KLF12: variants seen among roughly 807,000 people sequenced by gnomAD.
KLF12 encodes the protein Krueppel-like factor 12.
A neutral mutation model predicts 37.8 loss-of-function variants in KLF12; 9 were observed. The ratio of observed to expected loss-of-function variants is 0.24; its 90% confidence interval spans 0.14 to 0.42. The LOEUF (loss-of-function observed/expected upper bound fraction) is 0.42, where lower values mean the gene tolerates loss of function less well. KLF12 is among the 10% of genes least tolerant of loss of function. The pLI is 1.00. For synonymous variants in KLF12, 208 were observed against 202.1 expected (o/e 1.03, Z -0.25); for missense variants, 411 against 516.0 (o/e 0.80, Z 1.97).
intron 7 of KLF12, among the ~76,000 whole-genome samples, chr13:73,701,418 C>T (rs922168697): frequency 6.6e-6 from 1 of 152,174 alleles, no homozygotes; most frequent in Non-Finnish European, 1.5e-5. Flanking sequence ...AGACAGCCTA[C>T]CTACCTTCTT....
At chr13:73,702,040 G>C (rs1470850896) in intron 7 of KLF12, among the ~76,000 whole-genome samples, 1 of 152,048 alleles carries the variant, frequency 6.6e-6, no homozygotes, top group Non-Finnish European at 1.5e-5. Context: ...AAAAAGGGTG[G>C]GGGAGGTGTG....
intron 1 of KLF12, among the ~76,000 whole-genome samples, chr13:74,048,130 G>T (rs1246381785): frequency 6.6e-6 from 1 of 152,072 alleles, no homozygotes; most frequent in African/African-American, 2.4e-5. Context: ...AGGACAATGT[G>T]GAGTAAAAGG....
intron 4 of KLF12, among the ~76,000 whole-genome samples, chr13:73,819,510 T>A (rs530604380): frequency 4.3e-4 from 66 of 152,318 alleles, no homozygotes; most frequent in African/African-American, 1.5e-3. Flanking sequence ...CTTATTTACA[T>A]CATTTATGTA....
chr13:73,930,140 T>TA (rs1424329662), intron 3 of KLF12, among the ~76,000 whole-genome samples: 1 of 152,180 alleles, frequency 6.6e-6, no homozygotes, highest in Non-Finnish European at 1.5e-5. Flanking sequence ...CTCTTAACAA[T>TA]AGCAAGACAT....
chr13:74,088,796 C>CA (rs1383855228), intron 1 of KLF12, among the ~76,000 whole-genome samples: 6 of 152,156 alleles, frequency 3.9e-5, no homozygotes, highest in African/African-American at 1.4e-4. Context: ...ACAGGGCTTT[C>CA]ATGATGACCA....
chr13:74,025,579 A>G (rs1258961071), intron 1 of KLF12, among the ~76,000 whole-genome samples: 3 of 151,884 alleles, frequency 2.0e-5, no homozygotes, highest in African/African-American at 7.3e-5. Context: ...AAAAAAAAAG[A>G]AAATCAGTGA....
chr13:73,818,302 C>T (rs921728075), intron 4 of KLF12, among the ~76,000 whole-genome samples: 19 of 152,358 alleles, frequency 1.2e-4, no homozygotes, highest in African/African-American at 3.4e-4. Flanking sequence ...ACAGCCACTG[C>T]GCCGGCCGAA....
At chr13:74,176,063 A>G in the KLF12 span, among the ~76,000 whole-genome samples, 1 of 152,184 alleles carries the variant, frequency 6.6e-6, no homozygotes, top group Non-Finnish European at 1.5e-5. Flanking sequence ...TCATCTTCAC[A>G]GAGGACTCAT....
intron 1 of KLF12, among the ~76,000 whole-genome samples, chr13:74,129,084 A>G: frequency 6.6e-6 from 1 of 152,212 alleles, no homozygotes; most frequent in East Asian, 1.9e-4. Context: ...TGACTCCAGG[A>G]TCCCATCCCA....
At chr13:73,980,861 AT>A (rs984310121) in intron 2 of KLF12, among the ~76,000 whole-genome samples, 4 of 152,168 alleles carry the variant, frequency 2.6e-5, no homozygotes, top group African/African-American at 9.6e-5. Flanking sequence ...AAACAGTACT[AT>A]TTAGGAACTG....
intron 1 of KLF12, among the ~76,000 whole-genome samples, chr13:74,006,286 T>C (rs566357147): frequency 6.6e-6 from 1 of 152,310 alleles, no homozygotes; most frequent in East Asian, 1.9e-4. Context: ...CTCTAACCAT[T>C]ACCATCAGAT....
chr13:73,742,348 C>G (rs932031135), intron 6 of KLF12, among the ~76,000 whole-genome samples: 4 of 152,002 alleles, frequency 2.6e-5, no homozygotes, highest in African/African-American at 9.7e-5. Context: ...AACCTGAGCT[C>G]AAAATATAGA....
the KLF12 span, among the ~76,000 whole-genome samples, chr13:74,147,018 C>T: frequency 6.6e-6 from 1 of 152,196 alleles, no homozygotes; most frequent in Non-Finnish European, 1.5e-5. Flanking sequence ...GTAGCCCGTG[C>T]ATGTCAGGTT....
intron 2 of KLF12, among the ~76,000 whole-genome samples, chr13:73,986,484 ACCTGC>A (rs1891831625): frequency 6.6e-6 from 1 of 152,230 alleles, no homozygotes; most frequent in Non-Finnish European, 1.5e-5. Context: ...GGTAACATGT[ACCTGC>A]AATCACAGTC....
intron 2 of KLF12, among the ~76,000 whole-genome samples, chr13:73,970,407 C>A (rs17061815): frequency 0.048 from 7,304 of 151,700 alleles, 372 homozygotes; most frequent in African/African-American, 0.13. Context: ...TGGCATACTC[C>A]AGTTCAGATG....
the KLF12 span, among the ~76,000 whole-genome samples, chr13:74,182,779 G>C: frequency 1.3e-5 from 2 of 152,102 alleles, no homozygotes; most frequent in African/African-American, 4.8e-5. Context: ...TTACATGCAG[G>C]AGTATGAAGA....
At chr13:74,193,114 G>T in the KLF12 span, among the ~76,000 whole-genome samples, 1 of 151,868 alleles carries the variant, frequency 6.6e-6, no homozygotes, top group African/African-American at 2.4e-5. Context: ...GAGTAGTTGG[G>T]ATTACAGGTG....
chr13:73,795,930 T>C lies in KLF12; in HGVS notation c.806+17222A>G, dbSNP rs184892700. On this transcript the variant is annotated intron_variant, in intron 5 of 7. Coordinates refer to ENST00000377669, the MANE Select transcript of KLF12 (RefSeq NM_007249.5). ...ATAAAGATGATGTACCTAGAATAAATAGTAAACAGAGAGGAGGAGATAAAA... is the reference window on the plus strand; with the variant it reads ...ATAAAGATGATGTACCTAGAATAAACAGTAAACAGAGAGGAGGAGATAAAA... Among the ~76,000 whole-genome samples, 392 of 152,300 alleles carry C rather than the reference T, an allele frequency of 2.6e-3. 6 individuals are homozygous for C. Among genetic ancestry groups the C allele is most frequent in the East Asian group, 0.025 (132 of 5,182 alleles).
At chr13:73,935,742 C>T (rs1278164729) in intron 3 of KLF12, among the ~76,000 whole-genome samples, 1 of 152,106 alleles carries the variant, frequency 6.6e-6, no homozygotes, top group Non-Finnish European at 1.5e-5. Flanking sequence ...ATCCTCCCAT[C>T]TCAACCTCCG....
Sources: allele counts gnomAD v4.1 joint callset (sites outside exome capture counted in the v4.1 genomes callset), GRCh38; gene constraint gnomAD v4.1.1; transcripts MANE v1.5; gene names NCBI Gene and HGNC (gene_info 2026-07-23, HGNC 2026-07-21).